Variants in PBK observed in about 807,000 individuals in gnomAD.
The protein encoded by PBK is lymphokine-activated killer T-cell-originated protein kinase.
A neutral mutation model predicts 33.5 loss-of-function variants in PBK; 22 were observed. That is an observed-to-expected ratio of 0.66 (90% CI 0.47 to 0.94). The LOEUF is 0.94. Ranked by LOEUF, PBK falls within the 40% of genes least tolerant of loss-of-function variation. The probability of loss-of-function intolerance (pLI) is 0.00; values close to 1 mark genes in which losing one functional copy is unlikely to be tolerated. For synonymous variants in PBK, 129 were observed against 123.8 expected (o/e 1.04, Z -0.28); for missense variants, 376 against 383.4 (o/e 0.98, Z 0.16).
intron 3 of PBK, among the ~76,000 whole-genome samples, chr8:27,826,049 A>G (rs1806018415): frequency 6.6e-6 from 1 of 152,226 alleles, no homozygotes; most frequent in African/African-American, 2.4e-5. Context: ...ACCGACATAC[A>G]GAAGATCATA....
chr8:27,816,342 A>ATATATATATATAT (rs1454225542), intron 6 of PBK, among the ~76,000 whole-genome samples: 3 of 124,886 alleles, frequency 2.4e-5, no homozygotes, highest in African/African-American at 3.4e-5. Context: ...TTCATCGAAT[A>ATATATATATATAT]CTATATATAT....
chr8:27,814,536 C>T (rs1049431935), intron 6 of PBK, among the ~76,000 whole-genome samples: 2 of 151,940 alleles, frequency 1.3e-5, no homozygotes, highest in Admixed American at 1.3e-4. Flanking sequence ...CTGCTCATAG[C>T]TTTATTCCCT....
intron 6 of PBK, among the ~76,000 whole-genome samples, chr8:27,813,818 T>C (rs1805753198): frequency 6.6e-6 from 1 of 152,212 alleles, no homozygotes; most frequent in Middle Eastern, 3.2e-3. Context: ...GGTCAAGATG[T>C]AGTGTTCTCA....
At chr8:27,818,782 T>C (rs1315964325) in intron 6 of PBK, among the ~76,000 whole-genome samples, 1 of 152,088 alleles carries the variant, frequency 6.6e-6, no homozygotes, top group Non-Finnish European at 1.5e-5. Context: ...TTAATGATGG[T>C]TTCTAGCTTT....
intron 1 of PBK, among the ~76,000 whole-genome samples, chr8:27,833,830 T>A (rs1806177408): frequency 6.6e-6 from 1 of 152,124 alleles, no homozygotes; most frequent in African/African-American, 2.4e-5. Context: ...GCAGCATTAT[T>A]CATAACAGCC....
chr8:27,818,908 T>C (rs969547513), intron 6 of PBK, among the ~76,000 whole-genome samples: 5 of 152,180 alleles, frequency 3.3e-5, no homozygotes, highest in South Asian at 2.1e-4. Context: ...AGTGTAAGGA[T>C]AGAAAACAGC....
intron 3 of PBK, among the ~76,000 whole-genome samples, chr8:27,825,960 T>C (rs769144539): frequency 1.1e-4 from 16 of 152,154 alleles, no homozygotes; most frequent in Non-Finnish European, 1.8e-4. Context: ...AAATAATGTC[T>C]CAGAAATTTA....
At chr8:27,835,466 C>T (rs577018067) in intron 1 of PBK, among the ~76,000 whole-genome samples, 9 of 152,188 alleles carry the variant, frequency 5.9e-5, no homozygotes, top group Admixed American at 2.0e-4. Context: ...GAAATAATTT[C>T]CCCATGTCAT....
In PBK at chr8:27,814,588, A is replaced by G. The variant is rs567930960; in HGVS notation, c.596-3454T>C. Among the ~76,000 whole-genome samples, 41 of 152,226 alleles carry G rather than the reference A, an allele frequency of 2.7e-4. 1 individual carries two copies. The highest frequency in any genetic ancestry group is 3.4e-4 in the Non-Finnish European group (23 of 68,000). On this transcript the variant is annotated intron_variant, in intron 6 of 7. Transcript: ENST00000301905. ...TGCTTTTCTTTTTCTAGATTAAATC[A>G]ATGAACATAGGTCATTGATTTAGAA...
intron 3 of PBK, among the ~76,000 whole-genome samples, chr8:27,826,657 G>A (rs1806029282): frequency 7.5e-6 from 1 of 132,954 alleles, no homozygotes. Flanking sequence ...TTAGCCGGGC[G>A]TGGTGGCGGG....
At chr8:27,825,904 G>C (rs2128964325) in intron 3 of PBK, among the ~76,000 whole-genome samples, 1 of 152,250 alleles carries the variant, frequency 6.6e-6, no homozygotes. Context: ...ATTCCAGATG[G>C]AGAACAGAGA....
In PBK at chr8:27,822,491, TAAAG is replaced by T. The variant is rs1805949530; in HGVS notation, c.296-7_296-4del. 4 of 1,582,290 alleles carry T rather than the reference TAAAG, an allele frequency of 2.5e-6. No homozygotes were observed. The highest frequency in any genetic ancestry group is 1.9e-5 in the Admixed American group (1 of 53,642). On this transcript the variant is annotated splice_region_variant and splice_polypyrimidine_tract_variant and intron_variant, in intron 4 of 7. Coordinates refer to ENST00000301905, the MANE Select transcript of PBK (RefSeq NM_018492.4). ...GGCTTCAGTAAAAGCACGATAACCTTAAAGAAAACATGACATTTCTTCACTAATA... is the reference window on the plus strand; with the variant it reads ...GGCTTCAGTAAAAGCACGATAACCTTAAAACATGACATTTCTTCACTAATA...
chr8:27,817,551 G>GC (rs144396377), intron 6 of PBK, among the ~76,000 whole-genome samples: 23,831 of 148,326 alleles, frequency 0.16, 2,369 homozygotes, highest in East Asian at 0.37. Context: ...TTTTAACCCT[G>GC]TTTTTTTTTT....
At chr8:27,817,107 A>G (rs1805832810) in intron 6 of PBK, among the ~76,000 whole-genome samples, 1 of 152,126 alleles carries the variant, frequency 6.6e-6, no homozygotes, top group South Asian at 2.1e-4. Context: ...AAGAATTGCT[A>G]TTGCTAACTA....
At chr8:27,831,818 T>C (rs1266463512) in intron 2 of PBK, among the ~76,000 whole-genome samples, 3 of 151,882 alleles carry the variant, frequency 2.0e-5, no homozygotes, top group Non-Finnish European at 4.4e-5. Context: ...ACAAAGAAAA[T>C]AAGAGATCAC....
At chr8:27,833,282 G>T in intron 1 of PBK, 149 bp from the exon 2 acceptor site, 1 of 431,466 alleles carries the variant, frequency 2.3e-6, no homozygotes. Context: ...ACCTGAGGTC[G>T]GTGGATCACC....
intron 2 of PBK, among the ~76,000 whole-genome samples, chr8:27,831,531 TCATTGACATTTGTAGAA>T (rs1298177244): frequency 1.8e-5 from 2 of 109,240 alleles, no homozygotes; most frequent in Admixed American, 8.6e-5. Context: ...ATACAGAATA[TCATTGACATTTGTAGAA>T]CATTGACATT....
chr8:27,811,400 G>A, intron 6 of PBK: 1 of 552,188 alleles, frequency 1.8e-6, no homozygotes, highest in Non-Finnish European at 3.2e-6. Context: ...TGGATGTTGA[G>A]ATTACAGACT....
chr8:27,829,174 C>T (rs1210257492), intron 2 of PBK, among the ~76,000 whole-genome samples: 1 of 152,138 alleles, frequency 6.6e-6, no homozygotes, highest in Non-Finnish European at 1.5e-5. Context: ...AGTACTTATC[C>T]GCACATAACA....
Sources: gnomAD v4.1 joint callset for allele counts (sites outside exome capture counted in the v4.1 genomes callset) on GRCh38, gnomAD v4.1.1 for gene constraint, MANE v1.5 for transcripts, NCBI Gene and HGNC (gene_info 2026-07-23, HGNC 2026-07-21) for gene names.